AXIN2: variants seen among roughly 807,000 people sequenced by gnomAD.
AXIN2 encodes the protein axin 2, also known as axin-2.
In AXIN2, 21 loss-of-function variants were observed where a neutral mutation model predicts 74.7. The ratio of observed to expected loss-of-function variants is 0.28; its 90% CI spans 0.20 to 0.40. AXIN2 has a LOEUF of 0.40. Ranked by LOEUF, AXIN2 falls within the 10% of genes least tolerant of loss-of-function variation. The pLI, the probability that AXIN2 is intolerant of heterozygous loss-of-function variation, is 1.00. For missense variants in AXIN2, 1,144 were observed against 1,111.1 expected, an observed-to-expected ratio of 1.03 and a Z score of -0.42; for synonymous variants, 532 against 454.9, an observed-to-expected ratio of 1.17 and a Z score of -2.16.
Position 65,558,555 on chromosome 17 carries a change from C to T in AXIN2, c.66G>A (p.Pro22=). The T allele has an allele frequency of 1.9e-6, 3 of 1,613,170 alleles. No homozygotes were observed. The highest frequency in any genetic ancestry group is 2.5e-6 in the Non-Finnish European group (3 of 1,180,012). Residue 22 remains proline (P), a synonymous_variant, in exon 2 of 11, where the codon CCG becomes CCA. Transcript: ENST00000307078. ...CTTCTTCCCCTGGCACTGGGGGCCG[C>T]GGGGCATCCTCACGGAAGCTGCTGC... ...DPSSSFREDA[P]RPPVPGEEGE...
chr17:65,550,671 G>A (rs1440488686), intron 2 of AXIN2, among the ~76,000 whole-genome samples: 1 of 152,174 alleles, frequency 6.6e-6, no homozygotes, highest in Non-Finnish European at 1.5e-5. Flanking sequence ...GAAAAGAAAG[G>A]CTCAGAAAAG....
chr17:65,533,812 G>A, intron 10 of AXIN2, 100 bp downstream of exon 10: 3 of 610,172 alleles, frequency 4.9e-6, no homozygotes, highest in Non-Finnish European at 8.5e-6. Context: ...CTCCCACCCT[G>A]CCCCACCTAG....
chr17:65,552,629 T>C (rs994313690), intron 2 of AXIN2, among the ~76,000 whole-genome samples: 1 of 152,178 alleles, frequency 6.6e-6, no homozygotes, highest in South Asian at 2.1e-4. Flanking sequence ...AGTTGGATCA[T>C]GGCCTCTGCA....
At chr17:65,538,104 GCACATGCGCA>G in intron 5 of AXIN2, 89 bp downstream of exon 5, 1 of 1,583,710 alleles carries the variant, frequency 6.3e-7, no homozygotes, top group Non-Finnish European at 8.6e-7. Context: ...TGCAACCCAC[GCACATGCGCA>G]CACCCTAACG....
intron 2 of AXIN2, among the ~76,000 whole-genome samples, chr17:65,551,367 G>A (rs2044190973): frequency 6.6e-6 from 1 of 152,250 alleles, no homozygotes; most frequent in Admixed American, 6.5e-5. Flanking sequence ...GGTCTAATTA[G>A]CCAGGCTAAG....
intron 2 of AXIN2, among the ~76,000 whole-genome samples, chr17:65,553,045 AAAAC>A (rs1335246055): frequency 5.3e-5 from 8 of 152,236 alleles, no homozygotes; most frequent in South Asian, 2.1e-4. Context: ...AACAAAAACA[AAAAC>A]AAAAAACCAG....
intron 4 of AXIN2, among the ~76,000 whole-genome samples, chr17:65,539,969 C>T (rs1242751782): frequency 6.6e-6 from 1 of 152,136 alleles, no homozygotes; most frequent in Non-Finnish European, 1.5e-5. Context: ...CCAGAAGAGC[C>T]CTTCATCCAC....
Position 65,536,947 on chromosome 17 carries a change from CG to C in AXIN2, c.1828del (p.Arg610GlyfsTer79). The C allele has an allele frequency of 6.2e-7, 1 of 1,613,536 alleles. No individual in the cohort carries two copies. The highest frequency in any genetic ancestry group is 8.5e-7 in the Non-Finnish European group (1 of 1,179,976). ...PGGAGALQLP[R>X]EEGDRSQDVW... ...ATCCTGCGACCTGTCTCCTTCCTCC[CG>C]GGGAAGCTGCAGGGCCCCAGCTCCG... is the stretch of plus-strand genomic sequence containing the variant. On this transcript the variant is annotated frameshift_variant, in exon 7 of 11. Coordinates refer to ENST00000307078, the MANE Select transcript of AXIN2 (RefSeq NM_004655.4). LOFTEE classifies it high-confidence loss of function.
intron 10 of AXIN2, among the ~76,000 whole-genome samples, chr17:65,531,124 G>A (rs2043808548): frequency 6.6e-6 from 1 of 152,174 alleles, no homozygotes; most frequent in Non-Finnish European, 1.5e-5. Flanking sequence ...CAGTCCCCTG[G>A]GGGGATGGGA....
chr17:65,547,845 G>C (rs1043438087), intron 3 of AXIN2, among the ~76,000 whole-genome samples: 5 of 152,144 alleles, frequency 3.3e-5, no homozygotes, highest in Non-Finnish European at 4.4e-5. Context: ...AAAGAGAAAA[G>C]AGAAACTTTT....
chr17:65,536,247 C>G, intron 8 of AXIN2, 73 bp downstream of exon 8: 2 of 1,452,718 alleles, frequency 1.4e-6, no homozygotes. Flanking sequence ...GAGGCCCTCC[C>G]CATTAGCCAC....
In AXIN2 at chr17:65,558,712, G is replaced by C; in HGVS notation, c.-92C>G. The C allele has an allele frequency of 7.6e-7, 1 of 1,313,498 alleles. No homozygotes were observed. The highest frequency in any genetic ancestry group is 1.1e-6 in the Non-Finnish European group (1 of 944,064). 81.4% of individuals were successfully genotyped at this position (1,313,498 alleles called of 1,614,324 possible). On this transcript the variant is annotated 5_prime_UTR_variant, in exon 2 of 11. Transcript: ENST00000307078. ...TGGTCTCTCTGTCTCTCTCAAGTCA[G>C]CAGGGGCTCATCTGAACCTCCTCTC...
At chr17:65,546,759 A>G (rs1249509976) in intron 3 of AXIN2, among the ~76,000 whole-genome samples, 1 of 152,196 alleles carries the variant, frequency 6.6e-6, no homozygotes, top group Non-Finnish European at 1.5e-5. Flanking sequence ...GAACAGAGCC[A>G]ACACCATGAG....
At chr17:65,554,432 G>A (rs553405027) in intron 2 of AXIN2, among the ~76,000 whole-genome samples, 25 of 152,204 alleles carry the variant, frequency 1.6e-4, no homozygotes, top group Non-Finnish European at 3.2e-4. Context: ...AGGGACACTC[G>A]GCAAGGGGCC....
chr17:65,536,267 C>G, intron 8 of AXIN2, 53 bp downstream of exon 8: 6 of 1,535,434 alleles, frequency 3.9e-6, no homozygotes, highest in South Asian at 2.4e-5. Flanking sequence ...CAGACCAGGT[C>G]TCCACCCAAA....
At chr17:65,554,429 C>T (rs1486585983) in intron 2 of AXIN2, among the ~76,000 whole-genome samples, 2 of 152,262 alleles carry the variant, frequency 1.3e-5, no homozygotes, top group Non-Finnish European at 2.9e-5. Flanking sequence ...TCAAGGGACA[C>T]TCGGCAAGGG....
In AXIN2 at chr17:65,529,999, C is replaced by T. The variant is rs2043789783; in HGVS notation, c.2509G>A (p.Gly837Ser). 1.2e-6 allele frequency: 2 copies of T among 1,614,208 alleles called. No individual in the cohort carries two copies. Among genetic ancestry groups the T allele is most frequent in the Non-Finnish European group, 1.7e-6 (2 of 1,180,038 alleles). Residue 837 changes from glycine (G) to serine (S), a missense_variant, in exon 11 of 11, where the codon GGC becomes AGC. Coordinates refer to ENST00000307078, the MANE Select transcript of AXIN2 (RefSeq NM_004655.4). ...VLPMYEGRIL[G>S]KVERID ...GCTCAATCGATCCGCTCCACTTTGC[C>T]CAGAATCCGGCCTTCATACATCGGG...
chr17:65,553,364 GCATT>G (rs2044220721), intron 2 of AXIN2, among the ~76,000 whole-genome samples: 3 of 152,026 alleles, frequency 2.0e-5, no homozygotes, highest in African/African-American at 7.2e-5. Flanking sequence ...GCCTTAAATA[GCATT>G]CAAACACTCT....
At chr17:65,560,338 G>A (rs1461063188) in intron 1 of AXIN2, 4 of 151,872 alleles carry the variant, frequency 2.6e-5, no homozygotes, top group South Asian at 4.2e-4. Flanking sequence ...CAGCGCTGTG[G>A]GCCCCTTAGC....
Sources: gnomAD v4.1 joint callset for allele counts (sites outside exome capture counted in the v4.1 genomes callset) on GRCh38, gnomAD v4.1.1 for gene constraint, MANE v1.5 for transcripts, NCBI Gene and HGNC (gene_info 2026-07-23, HGNC 2026-07-21) for gene names.